RBFOX1: variants seen among roughly 807,000 people sequenced by gnomAD.
RBFOX1 encodes the protein RNA binding protein fox-1 homolog 1.
In RBFOX1, 8 loss-of-function variants were observed where a neutral mutation model predicts 57.7. That is an observed-to-expected ratio of 0.14 (90% CI 0.08 to 0.25). The LOEUF is 0.25. Among genes scored for constraint, RBFOX1 ranks in the 10% least tolerant of loss-of-function variants. RBFOX1 has a pLI of 1.00. For missense variants in RBFOX1, 611 were observed against 548.5 expected, an observed-to-expected ratio of 1.11 and a Z score of -1.14; for synonymous variants, 326 against 222.4, an observed-to-expected ratio of 1.47 and a Z score of -4.15.
At chr16:6,499,403 A>G (rs569970376) in intron 2 of RBFOX1, among the ~76,000 whole-genome samples, 1 of 152,310 alleles carries the variant, frequency 6.6e-6, no homozygotes, top group South Asian at 2.1e-4. Flanking sequence ...AAAAATCTTA[A>G]TTAAAATAAA....
upstream of RBFOX1, among the ~76,000 whole-genome samples, chr16:6,014,537 A>C (rs2094981682): frequency 6.6e-6 from 1 of 152,188 alleles, no homozygotes; most frequent in Non-Finnish European, 1.5e-5. Context: ...ATCAATAACT[A>C]TATATTGAGT....
At chr16:6,764,165 G>C (rs1448356035) in intron 3 of RBFOX1, among the ~76,000 whole-genome samples, 1 of 152,154 alleles carries the variant, frequency 6.6e-6, no homozygotes, top group Non-Finnish European at 1.5e-5. Context: ...GTCCCCTTAA[G>C]CTCTAGGTGC....
At chr16:7,498,765 G>A (rs1265455289) in intron 4 of RBFOX1, among the ~76,000 whole-genome samples, 1 of 152,086 alleles carries the variant, frequency 6.6e-6, no homozygotes, top group Non-Finnish European at 1.5e-5. Context: ...GGACAGCAAG[G>A]TGAAACTACA....
chr16:5,714,412 G>T (rs936378658), intron 3 of RBFOX1, among the ~76,000 whole-genome samples: 1 of 152,176 alleles, frequency 6.6e-6, no homozygotes, highest in Non-Finnish European at 1.5e-5. Context: ...TGGATACAGA[G>T]AACATGGAAT....
At chr16:7,543,667 CTGTGTGTGTG>C (rs71150310) in intron 5 of RBFOX1, among the ~76,000 whole-genome samples, 11,039 of 141,366 alleles carry the variant, frequency 0.078, 550 homozygotes, top group African/African-American at 0.15. Context: ...TGGGCAGTAT[CTGTGTGTGTG>C]TGTGTGTGTG....
chr16:6,781,066 C>A lies in RBFOX1; in HGVS notation c.-16+126416C>A, dbSNP rs183791324. ...TGGTGGCTTACTCAAAAAGTATTTA[C>A]CCACACCCATGTCTGGAAGCATTTC... On this transcript the variant is annotated intron_variant, in intron 3 of 15. Transcript: ENST00000550418. Among the ~76,000 whole-genome samples, 8 of 152,162 alleles carry A rather than the reference C, an allele frequency of 5.3e-5. No individual in the cohort carries two copies. In the East Asian group the frequency reaches 1.5e-3, roughly 29 times the overall value.
chr16:6,846,286 G>C (rs111925906), intron 3 of RBFOX1, among the ~76,000 whole-genome samples: 1 of 152,082 alleles, frequency 6.6e-6, no homozygotes, highest in Non-Finnish European at 1.5e-5. Flanking sequence ...CCCCAATTCC[G>C]TGTCATCAAG....
chr16:7,030,506 C>T (rs978688626), intron 3 of RBFOX1, among the ~76,000 whole-genome samples: 8 of 152,144 alleles, frequency 5.3e-5, no homozygotes, highest in East Asian at 1.9e-4. Flanking sequence ...CCAGTGGCTC[C>T]AGGCGTTCCT....
At chr16:7,205,707 C>T (rs2089819929) in intron 4 of RBFOX1, among the ~76,000 whole-genome samples, 1 of 152,174 alleles carries the variant, frequency 6.6e-6, no homozygotes, top group African/African-American at 2.4e-5. Context: ...CCACCATCTG[C>T]AGTCTTTGGT....
intron 3 of RBFOX1, among the ~76,000 whole-genome samples, chr16:5,692,759 A>G (rs1355627684): frequency 3.9e-5 from 6 of 152,104 alleles, no homozygotes; most frequent in Non-Finnish European, 8.8e-5. Flanking sequence ...CGGGATCATC[A>G]GGACACAGCC....
intron 2 of RBFOX1, among the ~76,000 whole-genome samples, chr16:5,561,788 T>TA (rs1360530198): frequency 3.9e-5 from 6 of 152,170 alleles, no homozygotes; most frequent in African/African-American, 1.4e-4. Context: ...CCCTGAGATG[T>TA]ATTTTAGCAG....
chr16:5,565,664 A>ATAAT (rs2151117773), intron 2 of RBFOX1, among the ~76,000 whole-genome samples: 1 of 147,600 alleles, frequency 6.8e-6, no homozygotes, highest in African/African-American at 2.6e-5. Flanking sequence ...AAATAAATAA[A>ATAAT]TAAATAATTT....
intron 1 of RBFOX1, among the ~76,000 whole-genome samples, chr16:5,349,373 C>G (rs1004811164): frequency 7.0e-4 from 106 of 152,266 alleles, no homozygotes; most frequent in African/African-American, 2.5e-3. Context: ...ACACCATGCA[C>G]TTAAAAACTT....
At chr16:6,005,439 C>A (rs908496726) in intron 4 of RBFOX1, among the ~76,000 whole-genome samples, 1 of 152,192 alleles carries the variant, frequency 6.6e-6, no homozygotes, top group African/African-American at 2.4e-5. Flanking sequence ...TCCCTGCCCC[C>A]AAGGAGCTCA....
At chr16:6,911,952 A>C (rs566952356) in intron 3 of RBFOX1, among the ~76,000 whole-genome samples, 1 of 152,294 alleles carries the variant, frequency 6.6e-6, no homozygotes, top group South Asian at 2.1e-4. Context: ...TGGTTCACCA[A>C]TCCTTTGAGG....
chr16:7,670,656 TAG>T (rs1568380272), intron 13 of RBFOX1, among the ~76,000 whole-genome samples: 1 of 152,144 alleles, frequency 6.6e-6, no homozygotes, highest in African/African-American at 2.4e-5. Flanking sequence ...TCCGTAAGCT[TAG>T]ACTTTTAACA....
intron 1 of RBFOX1, among the ~76,000 whole-genome samples, chr16:5,359,913 C>A (rs1316353016): frequency 7.1e-6 from 1 of 141,714 alleles, no homozygotes; most frequent in Non-Finnish European, 1.5e-5. Context: ...TGCCAATTCT[C>A]ACATTTAACA....
chr16:5,953,162 C>T (rs2059554837), intron 4 of RBFOX1, among the ~76,000 whole-genome samples: 2 of 152,078 alleles, frequency 1.3e-5, no homozygotes, highest in African/African-American at 4.8e-5. Context: ...CTGGGTGATT[C>T]TAATATTCAG....
chr16:7,671,529 A>T (rs753520328), intron 13 of RBFOX1: 2 of 1,582,664 alleles, frequency 1.3e-6, no homozygotes, highest in South Asian at 2.2e-5. Context: ...TTTTGCATTG[A>T]AAACATTACA....
Sources: gnomAD v4.1 joint callset for allele counts (sites outside exome capture counted in the v4.1 genomes callset) on GRCh38, gnomAD v4.1.1 for gene constraint, MANE v1.5 for transcripts, NCBI Gene and HGNC (gene_info 2026-07-23, HGNC 2026-07-21) for gene names.